GOLGB1: variants seen among roughly 807,000 people sequenced by gnomAD.
GOLGB1 encodes golgin subfamily B member 1.
In GOLGB1, 174 loss-of-function variants were observed where a neutral mutation model predicts 336.9. That is an observed-to-expected ratio of 0.52 (90% CI 0.46 to 0.59). The LOEUF (loss-of-function observed/expected upper bound fraction) is 0.59, where lower values mean the gene tolerates loss of function less well. Among genes scored for constraint, GOLGB1 ranks in the 20% least tolerant of loss-of-function variants. The probability of loss-of-function intolerance (pLI) is 0.00; values close to 1 mark genes in which losing one functional copy is unlikely to be tolerated. For synonymous variants in GOLGB1, 1,208 were observed against 1,289.2 expected (o/e 0.94, Z 1.35); for missense variants, 3,331 against 3,645.3 (o/e 0.91, Z 2.22).
intron 5 of GOLGB1, among the ~76,000 whole-genome samples, chr3:121,724,102 T>A (rs1384118560): frequency 3.3e-5 from 5 of 151,964 alleles, no homozygotes; most frequent in Non-Finnish European, 7.4e-5. Context: ...TCGTTGATAA[T>A]GATTATTTGA....
intron 5 of GOLGB1, among the ~76,000 whole-genome samples, chr3:121,723,972 C>T (rs1945369466): frequency 6.6e-6 from 1 of 152,162 alleles, no homozygotes; most frequent in African/African-American, 2.4e-5. Flanking sequence ...CAGATGCAGC[C>T]TCTCACCCTT....
At chr3:121,682,174 C>A (rs188936022) in intron 14 of GOLGB1, among the ~76,000 whole-genome samples, 2 of 152,322 alleles carry the variant, frequency 1.3e-5, no homozygotes, top group East Asian at 3.9e-4. Flanking sequence ...GTGGGGTAGA[C>A]TTAAGAGACC....
intron 5 of GOLGB1, among the ~76,000 whole-genome samples, 186 bp from the exon 6 acceptor site, chr3:121,722,564 A>G (rs1191948503): frequency 6.6e-6 from 1 of 152,250 alleles, no homozygotes; most frequent in African/African-American, 2.4e-5. Flanking sequence ...AGACAGAAGC[A>G]GTAGTGGCAA....
intron 17 of GOLGB1, among the ~76,000 whole-genome samples, chr3:121,670,416 G>A (rs1939335311): frequency 6.6e-6 from 1 of 152,184 alleles, no homozygotes; most frequent in Admixed American, 6.5e-5. Context: ...ACAACTGTGA[G>A]GAAGGGCATT....
At chr3:121,676,297 G>A (rs1940364675) in intron 17 of GOLGB1, among the ~76,000 whole-genome samples, 1 of 152,166 alleles carries the variant, frequency 6.6e-6, no homozygotes, top group Non-Finnish European at 1.5e-5. Flanking sequence ...ACAGCCTAGT[G>A]ATCTTTTTAA....
chr3:121,729,868 T>C lies in GOLGB1; in HGVS notation c.246A>G (p.Leu82=). ...DVQLQQKDEA[L]QEERKAADNK... ...GAAAGGATAAAAACAATAGTACCTG[T>C]AGAGCTTCATCTTTCTGCTGCAGTT... The change falls in exon 3 of 22, where the codon CTA becomes CTG. Residue 82 remains leucine, a synonymous_variant. Coordinates refer to ENST00000614479, the MANE Select transcript of GOLGB1 (RefSeq NM_001366282.2). The C allele has an allele frequency of 1.2e-6, 2 of 1,608,848 alleles. No individual in the cohort carries two copies. The highest frequency in any genetic ancestry group is 1.7e-6 in the Non-Finnish European group (2 of 1,175,750).
chr3:121,724,940 C>A (rs531825486), intron 5 of GOLGB1, among the ~76,000 whole-genome samples: 1 of 152,146 alleles, frequency 6.6e-6, no homozygotes, highest in Non-Finnish European at 1.5e-5. Flanking sequence ...TCAAAAGGTA[C>A]GAGTTGTAAA....
At chr3:121,680,847 T>C (rs1365884129) in intron 15 of GOLGB1, among the ~76,000 whole-genome samples, 1 of 152,176 alleles carries the variant, frequency 6.6e-6, no homozygotes, top group East Asian at 1.9e-4. Context: ...CATGAACAGA[T>C]ATTTCATCAA....
rs1258588062 is a variant in GOLGB1, at chr3:121,694,991, T to G, written c.5532A>C (p.Leu1844=). 11 of 1,613,938 alleles carry G rather than the reference T, an allele frequency of 6.8e-6. No individual in the cohort carries two copies. The highest frequency in any genetic ancestry group is 9.3e-6 in the Non-Finnish European group (11 of 1,179,922). Residue 1844 remains leucine, a synonymous_variant, in exon 13 of 22, where the codon CTA becomes CTC. Coordinates refer to ENST00000614479, the MANE Select transcript of GOLGB1 (RefSeq NM_001366282.2). The part of the protein sequence containing the change: ...FSSHDEINNY[L]QQIDQLKERI... ...TTTCTTTGAGCTGATCAATCTGCTGTAGGTAGTTATTAATTTCATCATGTG... is the reference window on the plus strand; with the variant it reads ...TTTCTTTGAGCTGATCAATCTGCTGGAGGTAGTTATTAATTTCATCATGTG...
intron 15 of GOLGB1, among the ~76,000 whole-genome samples, chr3:121,678,362 A>C (rs1041807389): frequency 6.6e-6 from 1 of 152,300 alleles, no homozygotes; most frequent in East Asian, 1.9e-4. Context: ...ACTCTCTTAG[A>C]GATGTTATGA....
At chr3:121,715,066 T>A in intron 9 of GOLGB1, 90 bp from the exon 10 acceptor site, 1 of 705,884 alleles carries the variant, frequency 1.4e-6, no homozygotes, top group Non-Finnish European at 2.5e-6. Context: ...GTATGCTGTT[T>A]ACTAGTTTAG....
Position 121,695,698 on chromosome 3 carries a change from A to G in GOLGB1, c.4825T>C (p.Trp1609Arg). The G allele has an allele frequency of 6.2e-7, 1 of 1,611,646 alleles. No individual in the cohort carries two copies. Among genetic ancestry groups the G allele is most frequent in the Non-Finnish European group, 8.5e-7 (1 of 1,179,928 alleles). ...TGTAGCTCCTTGTGTTTCTCTTGCC[A>G]CTCAGTACTTTCTGCAATCTTAGAA... ...KSSKIAESTE[W>R]QEKHKELQKE... The change falls in exon 13 of 22, where the codon TGG becomes CGG. Residue 1609 changes from tryptophan to arginine, a missense_variant. Coordinates refer to ENST00000614479, the MANE Select transcript of GOLGB1 (RefSeq NM_001366282.2).
At chr3:121,739,534 A>T (rs1350729683) in intron 1 of GOLGB1, among the ~76,000 whole-genome samples, 1 of 152,174 alleles carries the variant, frequency 6.6e-6, no homozygotes, top group African/African-American at 2.4e-5. Context: ...TGAAAAATTT[A>T]AAAAATCATT....
At chr3:121,716,589 T>A (rs558386536) in intron 9 of GOLGB1, 148 bp downstream of exon 9, 18 of 579,182 alleles carry the variant, frequency 3.1e-5, no homozygotes, top group Non-Finnish European at 5.3e-5. Flanking sequence ...GAAAAATGCA[T>A]CAAGAAGTTC....
intron 1 of GOLGB1, among the ~76,000 whole-genome samples, chr3:121,742,268 T>C (rs143848958): frequency 0.011 from 1,726 of 152,046 alleles, 38 homozygotes; most frequent in African/African-American, 0.039. Context: ...CCAAAACACA[T>C]ACATAGACCA....
intron 5 of GOLGB1, among the ~76,000 whole-genome samples, chr3:121,724,416 G>A (rs1475906776): frequency 6.6e-6 from 1 of 152,184 alleles, no homozygotes; most frequent in Non-Finnish European, 1.5e-5. Flanking sequence ...TCCAGTTTTT[G>A]TATGGCCAAG....
At chr3:121,665,972 G>A (rs944707440) in intron 20 of GOLGB1, among the ~76,000 whole-genome samples, 1 of 152,194 alleles carries the variant, frequency 6.6e-6, no homozygotes, top group African/African-American at 2.4e-5. Context: ...GAGCCAGGCT[G>A]ACTAAAAAAT....
At chr3:121,678,206 T>G (rs1940649960) in intron 15 of GOLGB1, among the ~76,000 whole-genome samples, 1 of 152,222 alleles carries the variant, frequency 6.6e-6, no homozygotes, top group South Asian at 2.1e-4. Context: ...AATGTTCACT[T>G]ATAATCAAGT....
chr3:121,729,139 G>A, intron 4 of GOLGB1, 49 bp downstream of exon 4: 1 of 1,285,014 alleles, frequency 7.8e-7, no homozygotes, highest in African/African-American at 1.5e-5. Context: ...CTGCTGTATT[G>A]GTAGGTTTTT....
Sources: allele counts gnomAD v4.1 joint callset (sites outside exome capture counted in the v4.1 genomes callset), GRCh38; gene constraint gnomAD v4.1.1; transcripts MANE v1.5; gene names NCBI Gene and HGNC (gene_info 2026-07-23, HGNC 2026-07-21).